The following AGPAT5 variants were observed in gnomAD, a reference collection of about 807,000 sequenced individuals.
The protein encoded by AGPAT5 is 1-acyl-sn-glycerol-3-phosphate acyltransferase epsilon.
A neutral mutation model predicts 45.6 loss-of-function variants in AGPAT5; 46 were observed. The observed-to-expected ratio is 1.01, with a 90% CI of 0.80 to 1.29. The LOEUF is 1.29. Ranked by LOEUF, AGPAT5 falls within the 50% of genes most tolerant of loss-of-function variation. The probability of loss-of-function intolerance (pLI) is 0.00; values close to 1 mark genes in which losing one functional copy is unlikely to be tolerated. For synonymous variants in AGPAT5, 272 were observed against 167.0 expected, an observed-to-expected ratio of 1.63 and a Z score of -4.85; for missense variants, 673 against 450.7, an observed-to-expected ratio of 1.49 and a Z score of -4.47.
At chr8:6,713,903 C>G (rs1047034887) in intron 1 of AGPAT5, among the ~76,000 whole-genome samples, 1 of 152,192 alleles carries the variant, frequency 6.6e-6, no homozygotes, top group African/African-American at 2.4e-5. Context: ...ATCTAGAGAA[C>G]ATTTATAACT....
chr8:6,743,471 G>A (rs1024927094), intron 5 of AGPAT5, among the ~76,000 whole-genome samples: 2 of 152,118 alleles, frequency 1.3e-5, no homozygotes, highest in African/African-American at 4.8e-5. Context: ...TCTTGTCTTG[G>A]TAACTCCATC....
At chr8:6,722,187 C>G (rs1386741544) in intron 1 of AGPAT5, among the ~76,000 whole-genome samples, 2 of 152,042 alleles carry the variant, frequency 1.3e-5, no homozygotes, top group African/African-American at 4.8e-5. Flanking sequence ...CAGGGAAACA[C>G]CTTTACAGAT....
In AGPAT5 at chr8:6,755,134, A is replaced by G. The variant is rs773789806; in HGVS notation, c.829A>G (p.Met277Val). 6.2e-7 allele frequency: 1 copy of G among 1,608,956 alleles called. No homozygotes were observed. Among genetic ancestry groups the G allele is most frequent in the South Asian group, 1.1e-5 (1 of 89,248 alleles). The change falls in exon 7 of 8, where the codon ATG becomes GTG. Residue 277 changes from methionine (M) to valine (V), a missense_variant. Transcript: ENST00000285518. ...KKDVPEEQEH[M>V]RRWLHERFEI... ...AGATGTCCCAGAAGAACAAGAACAT[A>G]TGAGAAGATGGCTGCATGAACGTTT...
At chr8:6,749,314 A>G (rs900838677) in intron 6 of AGPAT5, among the ~76,000 whole-genome samples, 1 of 152,100 alleles carries the variant, frequency 6.6e-6, no homozygotes, top group African/African-American at 2.4e-5. Flanking sequence ...AAAATTGGTT[A>G]TGGTCGAAGG....
At chr8:6,741,486 T>C (rs1393544812) in intron 4 of AGPAT5, among the ~76,000 whole-genome samples, 175 bp from the exon 5 acceptor site, 2 of 152,194 alleles carry the variant, frequency 1.3e-5, no homozygotes, top group Non-Finnish European at 2.9e-5. Flanking sequence ...TGTTCATATT[T>C]AATTGTTGCA....
chr8:6,709,577 G>C (rs1800073927), intron 1 of AGPAT5: 1 of 147,706 alleles, frequency 6.8e-6, no homozygotes, highest in African/African-American at 2.5e-5. Context: ...AAAAAAAAAA[G>C]GTGAATTTTT....
At position 6,747,763 on chromosome 8, in the gene AGPAT5, A is replaced by T; in HGVS notation, c.680A>T (p.Asp227Val). ...AAGAATTATTTAGATGCAATTTATG[A>T]TGTTACGGTGGTTTATGAAGGGAAA... ...CMKNYLDAIY[D>V]VTVVYEGKDD... The change falls in exon 6 of 8, where the codon GAT (aspartate) becomes GTT (valine). Residue 227 changes from aspartate (D) to valine (V), a missense_variant. Asp to Val is a radical substitution (Grantham distance 152). Transcript: ENST00000285518. 1 of 1,614,196 alleles carries T rather than the reference A, an allele frequency of 6.2e-7. No homozygotes were observed. The highest frequency in any genetic ancestry group is 8.5e-7 in the Non-Finnish European group (1 of 1,180,030).
At chr8:6,712,826 G>A (rs965955744) in intron 1 of AGPAT5, among the ~76,000 whole-genome samples, 2 of 152,180 alleles carry the variant, frequency 1.3e-5, no homozygotes, top group Non-Finnish European at 2.9e-5. Flanking sequence ...AATCTTTTTA[G>A]CATGTTCTGT....
At chr8:6,733,875 G>C (rs1156283546) in intron 4 of AGPAT5, among the ~76,000 whole-genome samples, 1 of 152,194 alleles carries the variant, frequency 6.6e-6, no homozygotes, top group Admixed American at 6.5e-5. Flanking sequence ...TGCCTTTTGG[G>C]TGATGTTGGC....
intron 6 of AGPAT5, among the ~76,000 whole-genome samples, chr8:6,752,677 T>C (rs1801694104): frequency 6.6e-6 from 1 of 152,216 alleles, no homozygotes; most frequent in Non-Finnish European, 1.5e-5. Context: ...TAGAAATTTA[T>C]GGGTAGAAAA....
chr8:6,736,673 T>G (rs1243375811), intron 4 of AGPAT5, among the ~76,000 whole-genome samples: 2 of 152,368 alleles, frequency 1.3e-5, no homozygotes, highest in African/African-American at 4.8e-5. Context: ...CTGTTTTAGC[T>G]GGGCCCCTTA....
In AGPAT5 at chr8:6,732,591, A is replaced by T. The variant is rs181667589; in HGVS notation, c.436A>T (p.Lys146Ter). The T allele has an allele frequency of 1.2e-6, 2 of 1,611,088 alleles. No homozygotes were observed. Among genetic ancestry groups the T allele is most frequent in the Admixed American group, 1.7e-5 (1 of 58,952 alleles). Residue 146 changes from lysine to a stop codon, truncating the protein, a stop_gained, in exon 4 of 8, where the codon AAA becomes TAA. Transcript: ENST00000285518. LOFTEE classifies it high-confidence loss of function. ...AGGAATCTATGTAAAGCGCAGTGCC[A>T]AATTTAACGAGAAAGAGATGCGAAA... ...HGGIYVKRSA[K>*]FNEKEMRNKL...
chr8:6,723,629 G>A (rs192949740), intron 1 of AGPAT5, among the ~76,000 whole-genome samples: 7 of 152,186 alleles, frequency 4.6e-5, no homozygotes, highest in African/African-American at 7.2e-5. Context: ...TTTTAACTCT[G>A]AACAGATCAA....
intron 3 of AGPAT5, 114 bp downstream of exon 3, chr8:6,730,940 C>A: frequency 3.4e-6 from 2 of 586,526 alleles, no homozygotes; most frequent in Non-Finnish European, 5.7e-6. Context: ...GTGAACACAG[C>A]TCACTGCAGC....
rs571360380 is a variant in AGPAT5 at position 6,751,666 on chromosome 8, G to GA, written c.746-3384dup. On this transcript the variant is annotated intron_variant, in intron 6 of 7. Coordinates refer to ENST00000285518, the MANE Select transcript of AGPAT5 (RefSeq NM_018361.5). ...TTCACTGCTTCTTGTAATCATGGAA[G>GA]ATGTCATTGCGGCAGAGACGAAACA... Among the ~76,000 whole-genome samples, 276 of 152,314 alleles carry GA rather than the reference G, an allele frequency of 1.8e-3. 9 individuals carry two copies. The South Asian group carries it at 0.053, about 30-fold the overall frequency.
intron 4 of AGPAT5, among the ~76,000 whole-genome samples, chr8:6,733,524 A>T (rs1295967480): frequency 6.6e-6 from 1 of 152,178 alleles, no homozygotes; most frequent in Admixed American, 6.5e-5. Flanking sequence ...TGGGTGACAG[A>T]AGCAGAATGG....
Position 6,757,401 on chromosome 8 carries a change from C to G in AGPAT5, c.*13C>G. Reference sequence around the variant, plus strand: ...TATTAAAGCATAGACAAGTAGCTGTCTCCAGACAGTGGGATGTGCTACATT... The same window carrying G: ...TATTAAAGCATAGACAAGTAGCTGTGTCCAGACAGTGGGATGTGCTACATT... On this transcript the variant is annotated 3_prime_UTR_variant, in exon 8 of 8. Coordinates refer to ENST00000285518, the MANE Select transcript of AGPAT5 (RefSeq NM_018361.5). The G allele has an allele frequency of 6.2e-7, 1 of 1,606,402 alleles. No individual in the cohort carries two copies. Among genetic ancestry groups the G allele is most frequent in the Non-Finnish European group, 8.5e-7 (1 of 1,173,122 alleles).
At chr8:6,709,136 C>G (rs1327961229) in intron 1 of AGPAT5, 3 of 573,962 alleles carry the variant, frequency 5.2e-6, no homozygotes, top group Non-Finnish European at 9.4e-6. Context: ...CCCCGCCCCT[C>G]GCCTGGGTCT....
intron 4 of AGPAT5, among the ~76,000 whole-genome samples, chr8:6,736,976 C>G (rs543868595): frequency 6.6e-6 from 1 of 152,326 alleles, no homozygotes; most frequent in East Asian, 1.9e-4. Flanking sequence ...TAATTTCAGT[C>G]TTAACATCTT....
Sources: gnomAD v4.1 joint callset for allele counts (sites outside exome capture counted in the v4.1 genomes callset) on GRCh38, gnomAD v4.1.1 for gene constraint, MANE v1.5 for transcripts, NCBI Gene and HGNC (gene_info 2026-07-23, HGNC 2026-07-21) for gene names.